METTL15: variants seen among roughly 807,000 people sequenced by gnomAD.
METTL15 encodes the protein methyltransferase 15, mitochondrial 12S rRNA N4-cytidine, also known as 12S rRNA N(4)-cytidine methyltransferase METTL15.
Under a neutral mutation model 38.3 loss-of-function variants are expected in METTL15, and 34 were observed. The ratio of observed to expected loss-of-function variants is 0.89; its 90% CI spans 0.68 to 1.18. The LOEUF is 1.18. Ranked by LOEUF, METTL15 falls within the 50% of genes most tolerant of loss-of-function variation. The probability of loss-of-function intolerance (pLI) is 0.00; values close to 1 mark genes in which losing one functional copy is unlikely to be tolerated. For synonymous variants in METTL15, 162 were observed against 170.9 expected, an observed-to-expected ratio of 0.95 and a Z score of 0.41; for missense variants, 438 against 498.4, an observed-to-expected ratio of 0.88 and a Z score of 1.15.
At chr11:28,208,847 T>C (rs947654752) in intron 3 of METTL15, among the ~76,000 whole-genome samples, 2 of 152,036 alleles carry the variant, frequency 1.3e-5, no homozygotes, top group African/African-American at 4.8e-5. Context: ...GCTGGTTGGC[T>C]CATGAGGCCT....
At chr11:28,485,112 TACACACACAC>T (rs33941898) in intron 6 of METTL15, among the ~76,000 whole-genome samples, 10 of 148,748 alleles carry the variant, frequency 6.7e-5, no homozygotes, top group Admixed American at 4.7e-4. Flanking sequence ...AATGAAGTTT[TACACACACAC>T]ACACACACAC....
chr11:28,278,844 T>G lies in METTL15; in HGVS notation c.408-11362T>G, dbSNP rs180771905. ...GGCCTTTAAGTTTGTTGTTGTTGTTTGAGATAGAGTCTTGCTCTGTCACCC... is the reference window on the plus strand; with the variant it reads ...GGCCTTTAAGTTTGTTGTTGTTGTTGGAGATAGAGTCTTGCTCTGTCACCC... On this transcript the variant is annotated intron_variant, in intron 4 of 6. Transcript: ENST00000407364. 5.9e-5 allele frequency among the ~76,000 whole-genome samples: 9 copies of G among 152,326 alleles called. No homozygotes were observed. The East Asian group carries it at 1.4e-3, about 23-fold the overall frequency.
intron 4 of METTL15, among the ~76,000 whole-genome samples, chr11:28,230,498 A>G (rs1037152781): frequency 3.3e-5 from 5 of 151,984 alleles, no homozygotes; most frequent in Non-Finnish European, 7.4e-5. Flanking sequence ...CTTGTTCAGT[A>G]CAAGAATGAC....
intron 3 of METTL15, among the ~76,000 whole-genome samples, chr11:28,193,761 A>G (rs1193763398): frequency 2.0e-5 from 3 of 152,158 alleles, no homozygotes; most frequent in African/African-American, 7.2e-5. Flanking sequence ...AAAAATTGCT[A>G]TAACTATATC....
At chr11:28,345,324 GACT>G (rs1461872347) in intron 3 of METTL15, among the ~76,000 whole-genome samples, 1 of 152,114 alleles carries the variant, frequency 6.6e-6, no homozygotes, top group Non-Finnish European at 1.5e-5. Context: ...GAGTAGCTGG[GACT>G]ACAGGCGTGC....
intron 6 of METTL15, among the ~76,000 whole-genome samples, chr11:28,307,470 G>A (rs189892329): frequency 6.8e-4 from 104 of 152,030 alleles, no homozygotes; most frequent in African/African-American, 2.3e-3. Flanking sequence ...TAGTAAAGAA[G>A]GCCTTTTAAT....
At chr11:28,308,962 A>G (rs552281033) in intron 6 of METTL15, among the ~76,000 whole-genome samples, 1 of 152,218 alleles carries the variant, frequency 6.6e-6, no homozygotes, top group East Asian at 1.9e-4. Flanking sequence ...GGCAAGATGG[A>G]TAGCCATTCT....
At chr11:28,208,725 T>C (rs1458008136) in intron 3 of METTL15, among the ~76,000 whole-genome samples, 4 of 151,964 alleles carry the variant, frequency 2.6e-5, no homozygotes, top group African/African-American at 9.7e-5. Context: ...AAGTCTCTTA[T>C]TATTATTCAG....
downstream of METTL15, among the ~76,000 whole-genome samples, chr11:28,337,107 A>G (rs944993136): frequency 1.3e-5 from 2 of 152,318 alleles, no homozygotes; most frequent in Admixed American, 1.3e-4. Flanking sequence ...TACAAAAAAT[A>G]TAGAAAAAGA....
intron 6 of METTL15, among the ~76,000 whole-genome samples, chr11:28,460,231 T>C (rs1260078202): frequency 6.6e-6 from 1 of 152,146 alleles, no homozygotes; most frequent in Non-Finnish European, 1.5e-5. Context: ...CAATCCTTTA[T>C]AAATTGGCAC....
chr11:28,142,549 T>C (rs1291232285), intron 3 of METTL15, among the ~76,000 whole-genome samples: 2 of 152,148 alleles, frequency 1.3e-5, no homozygotes, highest in Non-Finnish European at 2.9e-5. Flanking sequence ...ATTTTTAGTC[T>C]AGTGTGTTGG....
chr11:28,165,439 T>G (rs1171871073), intron 3 of METTL15, among the ~76,000 whole-genome samples: 1 of 152,166 alleles, frequency 6.6e-6, no homozygotes, highest in Non-Finnish European at 1.5e-5. Context: ...GATATAGAGC[T>G]TTTTTCATGA....
At chr11:28,362,593 C>A (rs1347827283) in intron 5 of METTL15, among the ~76,000 whole-genome samples, 1 of 152,176 alleles carries the variant, frequency 6.6e-6, no homozygotes, top group Non-Finnish European at 1.5e-5. Context: ...GGTTATTTGG[C>A]TCTGTGTTTT....
chr11:28,378,527 G>T (rs375167401), intron 5 of METTL15, among the ~76,000 whole-genome samples: 2 of 152,134 alleles, frequency 1.3e-5, no homozygotes, highest in Non-Finnish European at 2.9e-5. Context: ...TGCACGGTGC[G>T]TGCACCCACT....
At chr11:28,308,665 T>C (rs560363287) in intron 6 of METTL15, among the ~76,000 whole-genome samples, 1 of 152,296 alleles carries the variant, frequency 6.6e-6, no homozygotes, top group African/African-American at 2.4e-5. Flanking sequence ...ATAATTTGTC[T>C]TTTTTAGTAA....
chr11:28,417,809 C>T lies in METTL15; in HGVS notation c.*359-6490C>T, dbSNP rs145030033. Among the ~76,000 whole-genome samples, 621 of 152,030 alleles carry T rather than the reference C, an allele frequency of 4.1e-3. 13 individuals carry two copies. Among genetic ancestry groups the T allele is most frequent in the East Asian group, 6.6e-3 (34 of 5,182 alleles). ...TGACCAATGTACAGTCAAATGTCAACTATCTATCTGGAACATTAAGGAAAT... is the reference window on the plus strand; with the variant it reads ...TGACCAATGTACAGTCAAATGTCAATTATCTATCTGGAACATTAAGGAAAT... On this transcript the variant is annotated intron_variant and NMD_transcript_variant, in intron 5 of 7. Coordinates refer to the METTL15 transcript ENST00000532947.
intron 3 of METTL15, among the ~76,000 whole-genome samples, chr11:28,129,657 G>C (rs568775500): frequency 5.8e-4 from 89 of 152,260 alleles, no homozygotes; most frequent in African/African-American, 2.0e-3. Context: ...TGGTCTGTCT[G>C]TCTGTGCCTT....
chr11:28,134,469 T>A, intron 3 of METTL15: 3 of 398,142 alleles, frequency 7.5e-6, no homozygotes, highest in Non-Finnish European at 1.3e-5. Flanking sequence ...AAAACATGGG[T>A]TGGAGGTTCT....
intron 4 of METTL15, among the ~76,000 whole-genome samples, chr11:28,213,063 G>A (rs535187122): frequency 6.6e-6 from 1 of 152,078 alleles, no homozygotes; most frequent in African/African-American, 2.4e-5. Context: ...AGGCATAAAC[G>A]ACTTTATGGG....
Sources: allele counts gnomAD v4.1 joint callset (sites outside exome capture counted in the v4.1 genomes callset), GRCh38; gene constraint gnomAD v4.1.1; transcripts MANE v1.5; gene names NCBI Gene and HGNC (gene_info 2026-07-23, HGNC 2026-07-21).